The following PLCB4 variants were observed in gnomAD, a reference collection of about 807,000 sequenced individuals.
PLCB4 encodes 1-phosphatidylinositol 4,5-bisphosphate phosphodiesterase beta-4.
PLCB4 carries 77 observed loss-of-function variants against 178.8 expected under a neutral mutation model. The ratio of observed to expected loss-of-function variants is 0.43; its 90% CI spans 0.36 to 0.52. The LOEUF (loss-of-function observed/expected upper bound fraction) is 0.52. Ranked by LOEUF, PLCB4 falls within the 20% of genes least tolerant of loss-of-function variation. The pLI is 0.00. For synonymous variants in PLCB4, 496 were observed against 490.8 expected (o/e 1.01, Z -0.14); for missense variants, 1,024 against 1,453.4 (o/e 0.70, Z 4.80).
chr20:9,087,462 AT>A (rs2090483785), intron 1 of PLCB4, among the ~76,000 whole-genome samples: 2 of 152,104 alleles, frequency 1.3e-5, no homozygotes, highest in South Asian at 4.1e-4. Flanking sequence ...CTTTTCAGTC[AT>A]TTTACAGTAT....
chr20:9,186,206 A>G (rs2093326379), intron 2 of PLCB4, among the ~76,000 whole-genome samples: 1 of 152,198 alleles, frequency 6.6e-6, no homozygotes, highest in Non-Finnish European at 1.5e-5. Flanking sequence ...ATCATGTTTA[A>G]CAAATCCTAA....
chr20:9,333,120 A>C (rs1017002412), intron 4 of PLCB4, among the ~76,000 whole-genome samples: 7 of 152,182 alleles, frequency 4.6e-5, no homozygotes, highest in African/African-American at 1.7e-4. Flanking sequence ...TTTGTTTTAC[A>C]TATTGGCCTG....
intron 7 of PLCB4, among the ~76,000 whole-genome samples, chr20:9,339,840 C>G (rs770170796): frequency 6.6e-6 from 1 of 152,148 alleles, no homozygotes; most frequent in Non-Finnish European, 1.5e-5. Context: ...CCATATCCAG[C>G]ATACCATTGC....
chr20:9,172,960 A>AG (rs1404318266), intron 2 of PLCB4, among the ~76,000 whole-genome samples: 1 of 152,200 alleles, frequency 6.6e-6, no homozygotes, highest in Non-Finnish European at 1.5e-5. Flanking sequence ...ATGACTCCAT[A>AG]GTGCAGGTTG....
intron 2 of PLCB4, among the ~76,000 whole-genome samples, chr20:9,138,793 T>C (rs1422217567): frequency 1.3e-5 from 2 of 152,122 alleles, no homozygotes; most frequent in East Asian, 3.9e-4. Flanking sequence ...GGGTCAGCAG[T>C]CTTGATGTTA....
intron 3 of PLCB4, among the ~76,000 whole-genome samples, chr20:9,220,528 C>T (rs901832513): frequency 2.0e-5 from 3 of 152,096 alleles, no homozygotes; most frequent in Admixed American, 6.5e-5. Context: ...CCCAGCGATT[C>T]GAGAGGCTGA....
intron 32 of PLCB4, among the ~76,000 whole-genome samples, chr20:9,447,730 T>G (rs1215878544): frequency 6.6e-6 from 1 of 152,228 alleles, no homozygotes; most frequent in East Asian, 1.9e-4. Flanking sequence ...AATCATCTAG[T>G]TTTTAAGTGG....
At chr20:9,226,640 C>A (rs1388095576) in intron 3 of PLCB4, among the ~76,000 whole-genome samples, 2 of 152,152 alleles carry the variant, frequency 1.3e-5, no homozygotes, top group Admixed American at 1.3e-4. Flanking sequence ...CCCCATTTTC[C>A]TTCCTTTCCT....
chr20:9,097,989 A>G lies in PLCB4; in HGVS notation c.-79+1647A>G, dbSNP rs563458446. 1.9e-4 allele frequency among the ~76,000 whole-genome samples: 29 copies of G among 152,350 alleles called. No individual in the cohort carries two copies. In the South Asian group the frequency reaches 3.7e-3, roughly 20 times the overall value. On this transcript the variant is annotated intron_variant, in intron 2 of 39. Coordinates refer to ENST00000378473, the MANE Select transcript of PLCB4 (RefSeq NM_001377142.1). ...GGACATAAATAAACCCTATGAGAGT[A>G]TGCTAGCAGAGTGAACTTACAGAGA...
At chr20:9,136,993 G>A (rs2092397257) in intron 2 of PLCB4, among the ~76,000 whole-genome samples, 1 of 152,042 alleles carries the variant, frequency 6.6e-6, no homozygotes, top group Non-Finnish European at 1.5e-5. Flanking sequence ...GAGGTCAGTT[G>A]CTTAAGAGAC....
intron 2 of PLCB4, among the ~76,000 whole-genome samples, chr20:9,107,639 G>T (rs1253924642): frequency 6.6e-6 from 1 of 152,064 alleles, no homozygotes; most frequent in African/African-American, 2.4e-5. Context: ...AGTGCTGGGA[G>T]ATTGGGCAGG....
chr20:9,465,298 C>T (rs926884377), intron 35 of PLCB4, among the ~76,000 whole-genome samples: 1 of 152,136 alleles, frequency 6.6e-6, no homozygotes, highest in Non-Finnish European at 1.5e-5. Context: ...TTAATAAGAG[C>T]TATTTATGAC....
chr20:9,181,394 C>T (rs533230038), intron 2 of PLCB4, among the ~76,000 whole-genome samples: 1 of 152,076 alleles, frequency 6.6e-6, no homozygotes, highest in African/African-American at 2.4e-5. Context: ...TTCCTCAAGT[C>T]CTAATTTTTT....
At chr20:9,351,541 C>T (rs542291646) in intron 7 of PLCB4, among the ~76,000 whole-genome samples, 1 of 151,920 alleles carries the variant, frequency 6.6e-6, no homozygotes, top group South Asian at 2.1e-4. Context: ...ATTTATTTTC[C>T]CTGTTTTTCC....
At chr20:9,242,570 C>T (rs1281036551) in intron 3 of PLCB4, among the ~76,000 whole-genome samples, 1 of 152,176 alleles carries the variant, frequency 6.6e-6, no homozygotes, top group Non-Finnish European at 1.5e-5. Context: ...TTCTGATTTA[C>T]TAATAGGGTT....
chr20:9,441,317 G>C (rs1483153859), intron 30 of PLCB4, among the ~76,000 whole-genome samples: 1 of 152,148 alleles, frequency 6.6e-6, no homozygotes, highest in Non-Finnish European at 1.5e-5. Context: ...TTCTTCCCAC[G>C]CCTCTCCATG....
chr20:9,139,194 A>G (rs936365127), intron 2 of PLCB4, among the ~76,000 whole-genome samples: 6 of 151,990 alleles, frequency 3.9e-5, no homozygotes, highest in Non-Finnish European at 5.9e-5. Context: ...ACCATGTTCT[A>G]TCTATATTCT....
rs2033649921 is a variant in PLCB4, at chr20:9,345,032, A to G, written c.369+5995A>G. 2.6e-5 allele frequency among the ~76,000 whole-genome samples: 4 copies of G among 152,318 alleles called. No homozygotes were observed. The South Asian group carries it at 8.3e-4, about 32-fold the overall frequency. On this transcript the variant is annotated intron_variant, in intron 7 of 39. Coordinates refer to ENST00000378473, the MANE Select transcript of PLCB4 (RefSeq NM_001377142.1). ...TGCAGCCTACTAAAAAAAAACAAAA[A>G]CAAAAAATTTACCCAGTGTGATGGC...
At chr20:9,210,542 C>T (rs555573119) in intron 2 of PLCB4, among the ~76,000 whole-genome samples, 1 of 152,244 alleles carries the variant, frequency 6.6e-6, no homozygotes, top group South Asian at 2.1e-4. Flanking sequence ...TCTGAAAACC[C>T]AAGCTTTCTC....
Sources: allele counts gnomAD v4.1 joint callset (sites outside exome capture counted in the v4.1 genomes callset), GRCh38; gene constraint gnomAD v4.1.1; transcripts MANE v1.5; gene names NCBI Gene and HGNC (gene_info 2026-07-23, HGNC 2026-07-21).